Variants in EPHB1 observed in about 807,000 individuals in gnomAD.
EPHB1 encodes the protein ephrin type-B receptor 1.
A neutral mutation model predicts 94.4 loss-of-function variants in EPHB1; 30 were observed. That is an observed-to-expected ratio of 0.32 (90% CI 0.24 to 0.43). The LOEUF (loss-of-function observed/expected upper bound fraction) is 0.43, where lower values mean the gene tolerates loss of function less well. Among genes scored for constraint, EPHB1 ranks in the 20% least tolerant of loss-of-function variants. EPHB1 has a pLI of 1.00. For synonymous variants in EPHB1, 522 were observed against 489.1 expected (o/e 1.07, Z -0.89); for missense variants, 1,055 against 1,308.3 (o/e 0.81, Z 2.99).
intron 12 of EPHB1, among the ~76,000 whole-genome samples, chr3:135,209,424 G>A (rs1219704777): frequency 6.6e-6 from 1 of 152,176 alleles, no homozygotes; most frequent in Non-Finnish European, 1.5e-5. Context: ...AATAGGACAG[G>A]TAAATATTCT....
At chr3:135,163,746 C>A (rs1045697778) in intron 7 of EPHB1, among the ~76,000 whole-genome samples, 3 of 152,204 alleles carry the variant, frequency 2.0e-5, no homozygotes, top group Non-Finnish European at 4.4e-5. Context: ...TTACATTTGG[C>A]AGTTAAGTTT....
rs985680622 is a variant in EPHB1 at position 134,938,648 on chromosome 3, A to T, written c.124-12723A>T. On this transcript the variant is annotated intron_variant, in intron 2 of 15. Coordinates refer to ENST00000398015, the MANE Select transcript of EPHB1 (RefSeq NM_004441.5). ...GGGAGAGTGGAATTCCAAGAAAAAA[A>T]TAACTGATGTGCACTCAGAGAGAGG... Among the ~76,000 whole-genome samples, 5 of 152,326 alleles carry T rather than the reference A, an allele frequency of 3.3e-5. 1 individual carries two copies. In the Middle Eastern group the frequency reaches 0.017, roughly 518 times the overall value.
At chr3:134,922,406 A>G (rs1319303375) in intron 1 of EPHB1, among the ~76,000 whole-genome samples, 1 of 152,194 alleles carries the variant, frequency 6.6e-6, no homozygotes, top group Non-Finnish European at 1.5e-5. Flanking sequence ...CTGTCTCCAC[A>G]ATGGGCAGAT....
intron 3 of EPHB1, among the ~76,000 whole-genome samples, chr3:134,987,420 T>A (rs1934638796): frequency 6.6e-6 from 1 of 152,066 alleles, no homozygotes; most frequent in Non-Finnish European, 1.5e-5. Flanking sequence ...CCAGTGTCTT[T>A]ATAAAAAGAA....
intron 3 of EPHB1, among the ~76,000 whole-genome samples, chr3:135,073,270 A>T (rs1240380679): frequency 6.6e-6 from 1 of 152,150 alleles, no homozygotes; most frequent in Non-Finnish European, 1.5e-5. Context: ...TTAGATCTTG[A>T]ATTATTTTAT....
chr3:134,955,014 C>T (rs780025148), intron 3 of EPHB1, among the ~76,000 whole-genome samples: 16 of 141,406 alleles, frequency 1.1e-4, no homozygotes, highest in South Asian at 4.7e-4. Flanking sequence ...GTGTGGCAAG[C>T]GGCTCATGCA....
chr3:134,985,558 G>A (rs960112137), intron 3 of EPHB1, among the ~76,000 whole-genome samples: 2 of 152,172 alleles, frequency 1.3e-5, no homozygotes, highest in African/African-American at 2.4e-5. Flanking sequence ...AGATTCAAAA[G>A]CAAGAAGGAC....
chr3:135,112,383 G>A (rs190856466), intron 4 of EPHB1, among the ~76,000 whole-genome samples: 8 of 152,178 alleles, frequency 5.3e-5, no homozygotes, highest in African/African-American at 1.7e-4. Flanking sequence ...CAATGAGGGT[G>A]ATTTTTTTTT....
chr3:134,991,088 GA>G (rs796172577), intron 3 of EPHB1, among the ~76,000 whole-genome samples: 65 of 152,260 alleles, frequency 4.3e-4, no homozygotes, highest in African/African-American at 1.5e-3. Flanking sequence ...AATTGAGAAT[GA>G]ATTTGCATAT....
intron 1 of EPHB1, among the ~76,000 whole-genome samples, chr3:134,913,132 C>T (rs539596374): frequency 5.9e-5 from 9 of 152,246 alleles, no homozygotes; most frequent in African/African-American, 1.2e-4. Context: ...CATCCATAGT[C>T]GCCCCCGTCC....
In EPHB1 at chr3:134,904,151, T is replaced by C. The variant is rs374876998; in HGVS notation, c.59-21665T>C. Among the ~76,000 whole-genome samples the C allele has an allele frequency of 7.9e-5, 12 of 152,294 alleles. No individual in the cohort carries two copies. The East Asian group carries it at 1.4e-3, about 17-fold the overall frequency. The stretch of plus-strand genomic sequence containing the variant: ...CTCCAGGTGGGAGAAGAGGTAGCAC[T>C]CTTGCCCAATTAGGAGCCTGTAGCT... On this transcript the variant is annotated intron_variant, in intron 1 of 15. Transcript: ENST00000398015.
chr3:135,077,036 A>G (rs1937952743), intron 3 of EPHB1, among the ~76,000 whole-genome samples: 1 of 152,222 alleles, frequency 6.6e-6, no homozygotes, highest in Non-Finnish European at 1.5e-5. Flanking sequence ...CATTGAACTC[A>G]TAAATTTACT....
intron 3 of EPHB1, among the ~76,000 whole-genome samples, chr3:135,031,051 C>T (rs562594267): frequency 5.9e-5 from 9 of 152,290 alleles, no homozygotes; most frequent in Admixed American, 2.6e-4. Flanking sequence ...TTGCGCTTCC[C>T]GAGTCAGGCA....
chr3:135,153,973 C>A (rs1405854706), intron 5 of EPHB1, among the ~76,000 whole-genome samples, 179 bp from the exon 6 acceptor site: 1 of 152,188 alleles, frequency 6.6e-6, no homozygotes. Flanking sequence ...CTCTGTTATC[C>A]AATCTCCATT....
At chr3:134,813,860 C>A (rs777584933) in intron 1 of EPHB1, among the ~76,000 whole-genome samples, 1 of 152,182 alleles carries the variant, frequency 6.6e-6, no homozygotes, top group Non-Finnish European at 1.5e-5. Flanking sequence ...GCAGTGGTAC[C>A]ATCAGGGCCC....
At chr3:135,202,609 A>G (rs1263781695) in intron 12 of EPHB1, among the ~76,000 whole-genome samples, 1 of 152,342 alleles carries the variant, frequency 6.6e-6, no homozygotes, top group East Asian at 1.9e-4. Context: ...CTATCTGTCT[A>G]TCCTCTTTAA....
At chr3:135,148,363 T>G (rs1363359214) in intron 5 of EPHB1, among the ~76,000 whole-genome samples, 1 of 152,226 alleles carries the variant, frequency 6.6e-6, no homozygotes, top group Non-Finnish European at 1.5e-5. Flanking sequence ...GATATGACAG[T>G]AAAACTCCTG....
chr3:134,905,938 G>A (rs1452751905), intron 1 of EPHB1, among the ~76,000 whole-genome samples: 1 of 152,142 alleles, frequency 6.6e-6, no homozygotes, highest in South Asian at 2.1e-4. Flanking sequence ...TTGCAGTATT[G>A]AATTTTCTCT....
intron 2 of EPHB1, among the ~76,000 whole-genome samples, chr3:134,941,340 T>C (rs2039112509): frequency 1.4e-5 from 2 of 148,004 alleles, no homozygotes; most frequent in South Asian, 4.3e-4. Context: ...CAGACTTGGT[T>C]CCAAATGATC....
Sources: allele counts gnomAD v4.1 joint callset (sites outside exome capture counted in the v4.1 genomes callset), GRCh38; gene constraint gnomAD v4.1.1; transcripts MANE v1.5; gene names NCBI Gene and HGNC (gene_info 2026-07-23, HGNC 2026-07-21).